Variants in MARCHF11 observed in about 807,000 individuals in gnomAD.
The protein encoded by MARCHF11 is E3 ubiquitin-protein ligase MARCHF11.
A neutral mutation model predicts 37.3 loss-of-function variants in MARCHF11; 29 were observed. The observed-to-expected ratio is 0.78, with a 90% CI of 0.58 to 1.06. The LOEUF is 1.06. MARCHF11 is among the 50% of genes least tolerant of loss of function. The probability of loss-of-function intolerance (pLI) is 0.00; values close to 1 mark genes in which losing one functional copy is unlikely to be tolerated. For missense variants in MARCHF11, 482 were observed against 533.4 expected (o/e 0.90, Z 0.95); for synonymous variants, 233 against 228.0 (o/e 1.02, Z -0.20).
chr5:16,141,669 C>T (rs1277278627), intron 2 of MARCHF11: 4 of 152,302 alleles, frequency 2.6e-5, no homozygotes, highest in East Asian at 1.9e-4. Context: ...AGCACGATCA[C>T]TGTAATATTT....
At chr5:16,107,586 G>T (rs999198596) in intron 2 of MARCHF11, among the ~76,000 whole-genome samples, 32 of 152,204 alleles carry the variant, frequency 2.1e-4, no homozygotes, top group African/African-American at 7.5e-4. Context: ...GTAGAAGAGG[G>T]CGGTTCCCCA....
chr5:16,121,472 G>A (rs1032759577), intron 2 of MARCHF11, among the ~76,000 whole-genome samples: 11 of 152,122 alleles, frequency 7.2e-5, no homozygotes, highest in African/African-American at 2.4e-4. Flanking sequence ...ATAAATGAAT[G>A]AAACAAATCA....
intron 3 of MARCHF11, among the ~76,000 whole-genome samples, chr5:16,070,942 G>A (rs1736425580): frequency 6.6e-6 from 1 of 152,110 alleles, no homozygotes; most frequent in African/African-American, 2.4e-5. Flanking sequence ...TCTGTAACAT[G>A]CATTTTTCCC....
chr5:16,177,959 T>A, intron 1 of MARCHF11, 78 bp from the exon 2 acceptor site: 1 of 1,401,036 alleles, frequency 7.1e-7, no homozygotes, highest in Non-Finnish European at 9.6e-7. Context: ...TTTCTTTTCT[T>A]TCAAAGCCAT....
intron 2 of MARCHF11, among the ~76,000 whole-genome samples, chr5:16,143,769 A>G (rs1277487807): frequency 6.6e-6 from 1 of 152,226 alleles, no homozygotes; most frequent in Non-Finnish European, 1.5e-5. Context: ...GGAGTGTGGC[A>G]TGGAGCAGAG....
chr5:16,169,400 T>G (rs1273585571), intron 2 of MARCHF11, among the ~76,000 whole-genome samples: 1 of 152,060 alleles, frequency 6.6e-6, no homozygotes, highest in East Asian at 1.9e-4. Context: ...GGAAGGGACA[T>G]CCATTGTACA....
chr5:16,067,480 A>T lies in MARCHF11; in HGVS notation c.1200T>A (p.Thr400=). ...TCATCTTATGCTTTTGTCACACTGAAGTCACTCTCATCACAACCTCCCCCG... is the reference window on the plus strand; with the variant it reads ...TCATCTTATGCTTTTGTCACACTGATGTCACTCTCATCACAACCTCCCCCG... ...NSSGEVVMRV[T]SV is the part of the protein sequence containing the mutation. Residue 400 remains threonine, a synonymous_variant, in exon 4 of 4, where the codon ACT becomes ACA. Coordinates refer to ENST00000332432, the MANE Select transcript of MARCHF11 (RefSeq NM_001102562.3). The T allele has an allele frequency of 6.2e-7, 1 of 1,612,898 alleles. No individual in the cohort carries two copies. Among genetic ancestry groups the T allele is most frequent in the Non-Finnish European group, 8.5e-7 (1 of 1,178,970 alleles).
intron 2 of MARCHF11, among the ~76,000 whole-genome samples, chr5:16,107,972 C>A (rs1737072523): frequency 6.6e-6 from 1 of 152,186 alleles, no homozygotes; most frequent in Non-Finnish European, 1.5e-5. Flanking sequence ...AAAACCCCCA[C>A]ATACATCCTT....
intron 2 of MARCHF11, among the ~76,000 whole-genome samples, chr5:16,174,839 C>G (rs1214817638): frequency 6.6e-6 from 1 of 152,198 alleles, no homozygotes; most frequent in Non-Finnish European, 1.5e-5. Context: ...TGGCCACTCT[C>G]TTTAAAAGAA....
chr5:16,125,393 T>A (rs1737385248), intron 2 of MARCHF11, among the ~76,000 whole-genome samples: 1 of 152,174 alleles, frequency 6.6e-6, no homozygotes. Context: ...CCTATTATCA[T>A]CATTATCCTG....
intron 2 of MARCHF11, among the ~76,000 whole-genome samples, chr5:16,152,682 G>A (rs866569278): frequency 6.6e-6 from 1 of 151,852 alleles, no homozygotes; most frequent in Admixed American, 6.6e-5. Flanking sequence ...GCAGGAATTG[G>A]CATTGTTTCT....
chr5:16,119,767 A>G (rs1179602895), intron 2 of MARCHF11, among the ~76,000 whole-genome samples: 1 of 152,204 alleles, frequency 6.6e-6, no homozygotes, highest in African/African-American at 2.4e-5. Context: ...AAGAGCCCTC[A>G]AATTATTCCT....
chr5:16,108,317 G>A (rs1737079032), intron 2 of MARCHF11, among the ~76,000 whole-genome samples: 1 of 152,204 alleles, frequency 6.6e-6, no homozygotes, highest in African/African-American at 2.4e-5. Context: ...CTCCCGTAAG[G>A]GGTTTGAGCT....
chr5:16,166,150 T>C (rs1738165271), intron 2 of MARCHF11, among the ~76,000 whole-genome samples: 1 of 152,144 alleles, frequency 6.6e-6, no homozygotes, highest in South Asian at 2.1e-4. Context: ...GGTTGGCTCT[T>C]GTGTCCCTTT....
intron 2 of MARCHF11, among the ~76,000 whole-genome samples, chr5:16,120,861 G>C (rs1471575741): frequency 6.6e-6 from 1 of 152,148 alleles, no homozygotes; most frequent in Non-Finnish European, 1.5e-5. Flanking sequence ...AGCACTCAGT[G>C]TCCTGGCAGC....
At chr5:16,074,167 G>T (rs1736478764) in intron 3 of MARCHF11, among the ~76,000 whole-genome samples, 1 of 152,174 alleles carries the variant, frequency 6.6e-6, no homozygotes, top group African/African-American at 2.4e-5. Flanking sequence ...AGTCAACAAT[G>T]AAATACAGAT....
chr5:16,070,134 C>A (rs1736407711), intron 3 of MARCHF11, among the ~76,000 whole-genome samples: 1 of 152,090 alleles, frequency 6.6e-6, no homozygotes, highest in Non-Finnish European at 1.5e-5. Context: ...GTTGACCTAA[C>A]CGATCAGATA....
At chr5:16,137,947 A>C (rs1423272966) in intron 2 of MARCHF11, among the ~76,000 whole-genome samples, 2 of 152,186 alleles carry the variant, frequency 1.3e-5, no homozygotes, top group Non-Finnish European at 2.9e-5. Flanking sequence ...TTCTTCTTTC[A>C]CGAAGATATG....
At chr5:16,073,994 T>C (rs1463814618) in intron 3 of MARCHF11, among the ~76,000 whole-genome samples, 1 of 152,132 alleles carries the variant, frequency 6.6e-6, no homozygotes, top group Non-Finnish European at 1.5e-5. Context: ...GACCATATGA[T>C]AGGCCACAGA....
Sources: allele counts gnomAD v4.1 joint callset (sites outside exome capture counted in the v4.1 genomes callset), GRCh38; gene constraint gnomAD v4.1.1; transcripts MANE v1.5; gene names NCBI Gene and HGNC (gene_info 2026-07-23, HGNC 2026-07-21).